Variants in ASIP observed in about 807,000 individuals in gnomAD.
ASIP encodes the protein agouti-signaling protein.
Under a neutral mutation model 10.3 loss-of-function variants are expected in ASIP, and 11 were observed. The observed-to-expected ratio is 1.07, with a 90% confidence interval of 0.68 to 1.78. The LOEUF is 1.78. Ranked by LOEUF, ASIP falls within the 40% of genes most tolerant of loss-of-function variation. ASIP has a pLI of 0.00. For missense variants in ASIP, 180 were observed against 169.2 expected (o/e 1.06, Z -0.35); for synonymous variants, 70 against 70.8 (o/e 0.99, Z 0.06).
intron 1 of ASIP, among the ~76,000 whole-genome samples, chr20:34,243,389 G>T (rs2035313416): frequency 6.6e-6 from 1 of 152,188 alleles, no homozygotes; most frequent in African/African-American, 2.4e-5. Context: ...AGTCACAATA[G>T]TGAAATCGGT....
chr20:34,223,562 C>T (rs1290754916), intron 1 of ASIP, among the ~76,000 whole-genome samples: 6 of 126,854 alleles, frequency 4.7e-5, no homozygotes, highest in African/African-American at 2.6e-4. Flanking sequence ...GTCAGCCCCC[C>T]GCCTGGCCAG....
In ASIP at chr20:34,267,658, G is replaced by C. The variant is rs370364107; in HGVS notation, c.223-1333G>C. 3.3e-5 allele frequency among the ~76,000 whole-genome samples: 5 copies of C among 151,696 alleles called. No homozygotes were observed. The East Asian group carries it at 7.7e-4, about 23-fold the overall frequency. On this transcript the variant is annotated intron_variant, in intron 3 of 3. Transcript: ENST00000374954. ...ACAATTCTCCTGCCTCAGCCTCCCG[G>C]GAGTAGCTGGGATTACAGATGTGCC...
intron 1 of ASIP, chr20:34,214,630 T>G: frequency 8.7e-7 from 1 of 1,146,310 alleles, no homozygotes; most frequent in Non-Finnish European, 1.3e-6. Context: ...AGCAAGCCTG[T>G]CCAACACTAA....
chr20:34,220,077 G>A (rs147688414), intron 1 of ASIP, among the ~76,000 whole-genome samples: 36 of 151,798 alleles, frequency 2.4e-4, no homozygotes, highest in African/African-American at 5.8e-4. Flanking sequence ...GCGACAGAGC[G>A]AGACTCCATC....
At chr20:34,191,713 C>T (rs1279035473), upstream of ASIP, among the ~76,000 whole-genome samples, 4 of 150,534 alleles carry the variant, frequency 2.7e-5, no homozygotes, top group African/African-American at 9.8e-5. Flanking sequence ...TTCTTTCCTT[C>T]CTTCCTCTCT....
intron 1 of ASIP, among the ~76,000 whole-genome samples, chr20:34,257,545 T>C (rs1011362353): frequency 6.6e-6 from 1 of 152,114 alleles, no homozygotes; most frequent in African/African-American, 2.4e-5. Context: ...TTTAAATATA[T>C]ATTTAATTTT....
chr20:34,192,268 T>G (rs1458189516), upstream of ASIP, among the ~76,000 whole-genome samples: 2 of 152,118 alleles, frequency 1.3e-5, no homozygotes, highest in Non-Finnish European at 2.9e-5. Flanking sequence ...CGACCTTAGG[T>G]GATCCACCCA....
chr20:34,223,208 C>T (rs2035062778), intron 1 of ASIP, among the ~76,000 whole-genome samples: 2 of 152,026 alleles, frequency 1.3e-5, no homozygotes, highest in South Asian at 2.1e-4. Context: ...GCCGCCATCA[C>T]ATCTAGGAAG....
intron 1 of ASIP, among the ~76,000 whole-genome samples, chr20:34,247,778 G>A (rs1407009742): frequency 2.6e-5 from 4 of 151,932 alleles, no homozygotes; most frequent in Non-Finnish European, 5.9e-5. Flanking sequence ...TTAAATTTTT[G>A]TGGAGATGAG....
chr20:34,262,870 G>C lies in ASIP; in HGVS notation c.199G>C (p.Ala67Pro). ...ATCCAAACAGATCGGCAGAAAAGCA[G>C]CAGAAAAGAAAAGATCTTCTAAGGT... is the stretch of plus-strand genomic sequence containing the variant. ...KKSKQIGRKAAEKKRSSKKEA... is the reference protein window; with the variant it reads ...KKSKQIGRKAPEKKRSSKKEA... Residue 67 changes from alanine to proline, a missense_variant, in exon 3 of 4, where the codon GCA (alanine) becomes CCA (proline). Ala to Pro is a conservative substitution (Grantham distance 27). Coordinates refer to ENST00000374954, the MANE Select transcript of ASIP (RefSeq NM_001672.3). 6.2e-7 allele frequency: 1 copy of C among 1,614,056 alleles called. No individual in the cohort carries two copies. Among genetic ancestry groups the C allele is most frequent in the East Asian group, 2.2e-5 (1 of 44,886 alleles).
At chr20:34,207,779 T>C (rs1173598941) in intron 1 of ASIP, among the ~76,000 whole-genome samples, 2 of 120,866 alleles carry the variant, frequency 1.7e-5, no homozygotes, top group African/African-American at 1.5e-4. Context: ...TTTATTTATT[T>C]ATTTATTTAT....
At chr20:34,254,728 G>C (rs921812666) in intron 1 of ASIP, among the ~76,000 whole-genome samples, 2 of 151,970 alleles carry the variant, frequency 1.3e-5, no homozygotes, top group African/African-American at 2.4e-5. Flanking sequence ...TTTTTCTAAC[G>C]TTCACAAAGT....
At chr20:34,231,937 A>T (rs1489652638) in intron 1 of ASIP, among the ~76,000 whole-genome samples, 2 of 152,358 alleles carry the variant, frequency 1.3e-5, no homozygotes, top group African/African-American at 4.8e-5. Context: ...CCAGTAAGTT[A>T]GCTTGTTGTT....
At chr20:34,244,490 C>A (rs141448424) in intron 1 of ASIP, among the ~76,000 whole-genome samples, 3 of 152,278 alleles carry the variant, frequency 2.0e-5, no homozygotes, top group Non-Finnish European at 4.4e-5. Flanking sequence ...TTTGACATTA[C>A]CAAAATGTTT....
At chr20:34,258,696 C>CA (rs1280206295) in intron 1 of ASIP, among the ~76,000 whole-genome samples, 2 of 11,650 alleles carry the variant, frequency 1.7e-4, no homozygotes, top group South Asian at 7.9e-3. Flanking sequence ...TATATACATA[C>CA]TATATATATA....
At chr20:34,256,194 G>A (rs2035565330) in intron 1 of ASIP, among the ~76,000 whole-genome samples, 1 of 152,188 alleles carries the variant, frequency 6.6e-6, no homozygotes, top group Non-Finnish European at 1.5e-5. Context: ...CTCCTGTCTG[G>A]TGGACACGTG....
chr20:34,268,014 C>G (rs992382647), intron 3 of ASIP, among the ~76,000 whole-genome samples: 2 of 152,130 alleles, frequency 1.3e-5, no homozygotes, highest in Non-Finnish European at 2.9e-5. Flanking sequence ...TTCCAATGCT[C>G]AGTTTTGACA....
At chr20:34,242,147 A>G (rs1176170194) in intron 1 of ASIP, among the ~76,000 whole-genome samples, 1 of 152,086 alleles carries the variant, frequency 6.6e-6, no homozygotes, top group Non-Finnish European at 1.5e-5. Flanking sequence ...TAAAGAGGCT[A>G]AATGGGATGG....
chr20:34,236,085 G>A (rs1231542705), intron 1 of ASIP, among the ~76,000 whole-genome samples: 3 of 114,482 alleles, frequency 2.6e-5, no homozygotes, highest in Non-Finnish European at 5.6e-5. Flanking sequence ...AGAAAGAGAA[G>A]GAAGGAAGGA....
Sources: gnomAD v4.1 joint callset for allele counts (sites outside exome capture counted in the v4.1 genomes callset) on GRCh38, gnomAD v4.1.1 for gene constraint, MANE v1.5 for transcripts, NCBI Gene and HGNC (gene_info 2026-07-23, HGNC 2026-07-21) for gene names.